Variants in ESR2 observed in about 807,000 individuals in gnomAD.
ESR2 encodes estrogen receptor beta.
A neutral mutation model predicts 49.6 loss-of-function variants in ESR2; 36 were observed. The observed-to-expected ratio is 0.73, with a 90% confidence interval of 0.56 to 0.96. The LOEUF (loss-of-function observed/expected upper bound fraction) is 0.96. ESR2 is among the 40% of genes least tolerant of loss of function. ESR2 has a pLI of 0.00. For synonymous variants in ESR2, 320 were observed against 266.1 expected (o/e 1.20, Z -1.97); for missense variants, 714 against 693.0 (o/e 1.03, Z -0.34).
chr14:64,306,177 G>A (rs1288563036), intron 1 of ESR2, among the ~76,000 whole-genome samples: 1 of 151,416 alleles, frequency 6.6e-6, no homozygotes, highest in Non-Finnish European at 1.5e-5. Flanking sequence ...ACTCCAGCCT[G>A]GGTGACAAGA....
At chr14:64,262,591 G>A (rs1438367791) in intron 4 of ESR2, among the ~76,000 whole-genome samples, 4 of 151,532 alleles carry the variant, frequency 2.6e-5, no homozygotes, top group Non-Finnish European at 5.9e-5. Context: ...CGTCATTAAA[G>A]GAATTGAAAC....
chr14:64,329,480 G>A (rs2077428253), intron 1 of ESR2: 1 of 152,134 alleles, frequency 6.6e-6, no homozygotes, highest in African/African-American at 2.4e-5. Context: ...GAAAGGAATT[G>A]GAAATAACTA....
At chr14:64,326,982 G>C (rs565787350) in intron 1 of ESR2, among the ~76,000 whole-genome samples, 1 of 152,300 alleles carries the variant, frequency 6.6e-6, no homozygotes, top group East Asian at 1.9e-4. Flanking sequence ...ACCTCCTAGA[G>C]TTAAACAAGA....
intron 1 of ESR2, among the ~76,000 whole-genome samples, chr14:64,333,676 A>T (rs2077491740): frequency 1.3e-5 from 2 of 152,128 alleles, no homozygotes; most frequent in South Asian, 4.1e-4. Context: ...GGAAATCCCT[A>T]ATAAAACCAT....
At chr14:64,264,753 G>C (rs560569197) in intron 4 of ESR2, among the ~76,000 whole-genome samples, 1 of 151,888 alleles carries the variant, frequency 6.6e-6, no homozygotes, top group South Asian at 2.1e-4. Flanking sequence ...CACACCTGTA[G>C]TCCCAGCTAC....
chr14:64,285,424 G>A (rs889832890), intron 1 of ESR2, among the ~76,000 whole-genome samples: 1 of 152,090 alleles, frequency 6.6e-6, no homozygotes, highest in African/African-American at 2.4e-5. Flanking sequence ...TGAGGTGGTT[G>A]GCTTGTTATA....
At chr14:64,235,653 C>T (rs2075580898) in intron 7 of ESR2, among the ~76,000 whole-genome samples, 1 of 152,206 alleles carries the variant, frequency 6.6e-6, no homozygotes, top group South Asian at 2.1e-4. Flanking sequence ...CTGCTACCAC[C>T]TCTGCATCTC....
rs573291054 is a variant in ESR2 at position 64,323,514 on chromosome 14, G to A, written c.-91+14384C>T. Among the ~76,000 whole-genome samples the A allele has an allele frequency of 3.0e-3, 448 of 151,824 alleles. 1 individual carries two copies. Among genetic ancestry groups the A allele is most frequent in the Non-Finnish European group, 4.8e-3 (327 of 67,920 alleles). On this transcript the variant is annotated intron_variant, in intron 1 of 8. Coordinates refer to the ESR2 transcript ENST00000358599. ...AGCCACCATGCCTGGCCAAGCACAC[G>A]TTATTTTGTACAATCTTAAGAAAAC...
At chr14:64,287,076 T>C (rs1326989460) in intron 1 of ESR2, among the ~76,000 whole-genome samples, 1 of 152,080 alleles carries the variant, frequency 6.6e-6, no homozygotes, top group South Asian at 2.1e-4. Context: ...ACATAAAACT[T>C]ACCATCTTAG....
intron 1 of ESR2, among the ~76,000 whole-genome samples, chr14:64,299,520 C>G (rs190205981): frequency 6.6e-6 from 1 of 151,898 alleles, no homozygotes; most frequent in Non-Finnish European, 1.5e-5. Context: ...CCACCACACC[C>G]GGCTAATTTT....
At chr14:64,235,315 C>T (rs987385976) in intron 7 of ESR2, among the ~76,000 whole-genome samples, 165 bp from the exon 8 acceptor site, 3 of 152,236 alleles carry the variant, frequency 2.0e-5, no homozygotes, top group Non-Finnish European at 2.9e-5. Flanking sequence ...GGGGATCTTC[C>T]CTGAGAGCCA....
At chr14:64,309,011 T>TGAAAA (rs201730380) in intron 1 of ESR2, among the ~76,000 whole-genome samples, 5 of 150,812 alleles carry the variant, frequency 3.3e-5, no homozygotes, top group Admixed American at 2.0e-4. Context: ...GAAAAGAAAA[T>TGAAAA]GAAAAGAAAA....
intron 7 of ESR2, among the ~76,000 whole-genome samples, chr14:64,236,643 A>C (rs546918261): frequency 2.0e-4 from 31 of 152,172 alleles, no homozygotes; most frequent in Admixed American, 3.3e-4. Flanking sequence ...TGCTCCGAAC[A>C]TGCTCAACTT....
At position 64,299,527 on chromosome 14, in the gene ESR2, T is replaced by C. The variant is rs549093050; in HGVS notation, c.-90-16452A>G. Among the ~76,000 whole-genome samples the C allele has an allele frequency of 2.0e-5, 3 of 151,628 alleles. No homozygotes were observed. In the East Asian group the frequency reaches 5.9e-4, roughly 30 times the overall value. On this transcript the variant is annotated intron_variant, in intron 1 of 8. Coordinates refer to the ESR2 transcript ENST00000358599. ...GGCACCCACCACCACACCCGGCTAA[T>C]TTTTTTGTATTTTTTTAGTAGAGAC... is the stretch of plus-strand genomic sequence containing the variant.
At chr14:64,246,597 T>G (rs189096615) in intron 7 of ESR2, among the ~76,000 whole-genome samples, 1 of 151,858 alleles carries the variant, frequency 6.6e-6, no homozygotes, top group East Asian at 1.9e-4. Flanking sequence ...CATGGTGGCA[T>G]GCACCTGTAA....
upstream of ESR2, among the ~76,000 whole-genome samples, chr14:64,296,441 A>G (rs1200962515): frequency 1.3e-5 from 2 of 152,240 alleles, no homozygotes; most frequent in Non-Finnish European, 2.9e-5. Context: ...TTTTATACGC[A>G]AGCCTATAAG....
chr14:64,282,846 G>A lies in ESR2; in HGVS notation c.140C>T (p.Thr47Ile), dbSNP rs771904224. The change falls in exon 2 of 9, where the codon ACA (threonine) becomes ATA (isoleucine). Residue 47 changes from threonine (T) to isoleucine (I), a missense_variant. Thr to Ile is a moderately conservative substitution (Grantham distance 89). Transcript: ENST00000341099. ...VDSHHEYPAM[T>I]FYSPAVMNYS... ...ATTCATCACAGCAGGGCTATAGAAT[G>A]TCATGGCTGGATATTCATGGTGGCT... 1 of 1,614,200 alleles carries A rather than the reference G, an allele frequency of 6.2e-7. No individual in the cohort carries two copies. Among genetic ancestry groups the A allele is most frequent in the South Asian group, 1.1e-5 (1 of 91,082 alleles).
At position 64,230,564 on chromosome 14, in the gene ESR2, T is replaced by C. The variant is rs2098726212; in HGVS notation, c.*2573A>G. ...TAATGCAGTTGAGTCTTCAGATTTG[T>C]GACTAGGCTGACAGCTTTGTCTTGT... On this transcript the variant is annotated 3_prime_UTR_variant, in exon 9 of 9. Coordinates refer to ENST00000341099, the MANE Select transcript of ESR2 (RefSeq NM_001437.3). 6.6e-6 allele frequency among the ~76,000 whole-genome samples: 1 copy of C among 152,136 alleles called. No individual in the cohort carries two copies. Among genetic ancestry groups the C allele is most frequent in the Non-Finnish European group, 1.5e-5 (1 of 68,026 alleles).
chr14:64,313,891 A>G (rs1330137047), intron 1 of ESR2, among the ~76,000 whole-genome samples: 2 of 151,278 alleles, frequency 1.3e-5, no homozygotes, highest in Non-Finnish European at 3.0e-5. Flanking sequence ...AAAAAAAAAA[A>G]AGAAAGAAAG....
Sources: allele counts gnomAD v4.1 joint callset (sites outside exome capture counted in the v4.1 genomes callset), GRCh38; gene constraint gnomAD v4.1.1; transcripts MANE v1.5; gene names NCBI Gene and HGNC (gene_info 2026-07-23, HGNC 2026-07-21).